SLC38A6: variants seen among roughly 807,000 people sequenced by gnomAD.
The protein encoded by SLC38A6 is N system amino acid transporter NAT-1.
SLC38A6 carries 73 observed loss-of-function variants against 65.0 expected under a neutral mutation model. The observed-to-expected ratio is 1.12, with a 90% CI of 0.93 to 1.37. The LOEUF is 1.37. Ranked by LOEUF, SLC38A6 falls within the 40% of genes most tolerant of loss-of-function variation. The pLI, the probability that SLC38A6 is intolerant of heterozygous loss-of-function variation, is 0.00. For synonymous variants in SLC38A6, 183 were observed against 178.8 expected, an observed-to-expected ratio of 1.02 and a Z score of -0.19; for missense variants, 561 against 531.1, an observed-to-expected ratio of 1.06 and a Z score of -0.55.
At chr14:61,048,853 A>G (rs2042326835) in intron 12 of SLC38A6, among the ~76,000 whole-genome samples, 1 of 152,166 alleles carries the variant, frequency 6.6e-6, no homozygotes, top group African/African-American at 2.4e-5. Flanking sequence ...GTTAAGCAAG[A>G]AGTGTTAATA....
intron 3 of SLC38A6, among the ~76,000 whole-genome samples, chr14:60,989,492 C>T (rs1447303636): frequency 6.6e-6 from 1 of 152,030 alleles, no homozygotes; most frequent in African/African-American, 2.4e-5. Context: ...GGGAGGCAGA[C>T]CCAGGAGGAT....
In SLC38A6 at chr14:61,052,153, C is replaced by T. The variant is rs755834983; in HGVS notation, c.1290+18C>T. ...AGCTTGGGGTAGGTTGTTTTTGTTT[C>T]TTTCTTTCAAGACTTCTATTTTAAG... On this transcript the variant is annotated intron_variant, in intron 15 of 15. Coordinates refer to ENST00000267488, the MANE Select transcript of SLC38A6 (RefSeq NM_153811.3). The T allele has an allele frequency of 6.6e-7, 1 of 1,522,232 alleles. No individual in the cohort carries two copies. Among genetic ancestry groups the T allele is most frequent in the Non-Finnish European group, 8.8e-7 (1 of 1,138,682 alleles). 94.3% of individuals were successfully genotyped at this position (1,522,232 alleles called of 1,614,324 possible).
intron 3 of SLC38A6, 150 bp downstream of exon 3, chr14:60,984,953 A>G: frequency 1.4e-6 from 1 of 731,852 alleles, no homozygotes; most frequent in Non-Finnish European, 2.3e-6. Flanking sequence ...AAAAACCAGG[A>G]TATACAGACC....
chr14:61,062,242 A>T (rs914678482), intron 15 of SLC38A6, among the ~76,000 whole-genome samples: 6 of 152,236 alleles, frequency 3.9e-5, no homozygotes, highest in Non-Finnish European at 8.8e-5. Flanking sequence ...AGAAATTGCC[A>T]AACTACCTTC....
intron 5 of SLC38A6, among the ~76,000 whole-genome samples, chr14:61,029,390 C>T (rs1053689832): frequency 1.3e-5 from 2 of 152,076 alleles, no homozygotes; most frequent in East Asian, 1.9e-4. Context: ...CTCCTGACCT[C>T]GTCAACCGCC....
chr14:61,053,691 T>C (rs1305502252), downstream of SLC38A6, among the ~76,000 whole-genome samples: 1 of 152,184 alleles, frequency 6.6e-6, no homozygotes, highest in East Asian at 1.9e-4. Flanking sequence ...ATGTCTTCTT[T>C]TGAGAAGTGT....
At chr14:61,003,600 C>G (rs1211499617) in intron 3 of SLC38A6, among the ~76,000 whole-genome samples, 1 of 152,112 alleles carries the variant, frequency 6.6e-6, no homozygotes, top group African/African-American at 2.4e-5. Context: ...AGAAATTGCC[C>G]AAATGACAGA....
intron 15 of SLC38A6, among the ~76,000 whole-genome samples, chr14:61,067,872 C>G (rs1172966423): frequency 6.6e-6 from 1 of 152,016 alleles, no homozygotes; most frequent in Non-Finnish European, 1.5e-5. Flanking sequence ...GTCACCATTC[C>G]CGCTTTTGTG....
chr14:61,068,913 G>A (rs984502884), intron 15 of SLC38A6, among the ~76,000 whole-genome samples: 1 of 152,186 alleles, frequency 6.6e-6, no homozygotes, highest in African/African-American at 2.4e-5. Context: ...CTGTCACAAT[G>A]TCAGTTCTTC....
At chr14:61,063,880 A>G (rs1482625115) in intron 15 of SLC38A6, among the ~76,000 whole-genome samples, 2 of 152,202 alleles carry the variant, frequency 1.3e-5, no homozygotes, top group Admixed American at 6.5e-5. Flanking sequence ...ATATTGATAG[A>G]ATTAAATGCT....
chr14:61,075,908 T>G (rs2043398579), intron 15 of SLC38A6, among the ~76,000 whole-genome samples: 1 of 151,392 alleles, frequency 6.6e-6, no homozygotes, highest in East Asian at 2.0e-4. Flanking sequence ...CAGACTGGAG[T>G]GCAATGCTGT....
At chr14:61,041,239 T>G (rs1271295492) in intron 8 of SLC38A6, among the ~76,000 whole-genome samples, 1 of 152,182 alleles carries the variant, frequency 6.6e-6, no homozygotes, top group Admixed American at 6.5e-5. Context: ...TCCTCTCTGT[T>G]GTTGGGTCTC....
At position 61,046,124 on chromosome 14, in the gene SLC38A6, C is replaced by T; in HGVS notation, c.882C>T (p.Leu294=). ...ATACAGCAATTGCTTTAAGTTTTCT[C>T]ATTTATTTTATATCTGCACTCTTTG... The part of the protein sequence containing the change: ...VTNTAIALSF[L]IYFISALFGY... The change falls in exon 12 of 16, where the codon CTC becomes CTT. Residue 294 remains leucine (L), a synonymous_variant. Coordinates refer to ENST00000267488, the MANE Select transcript of SLC38A6 (RefSeq NM_153811.3). 1 of 1,611,548 alleles carries T rather than the reference C, an allele frequency of 6.2e-7. No homozygotes were observed.
intron 3 of SLC38A6, among the ~76,000 whole-genome samples, chr14:60,994,572 C>T (rs746342987): frequency 1.7e-4 from 26 of 151,120 alleles, no homozygotes; most frequent in African/African-American, 5.8e-4. Flanking sequence ...GGCATGATGG[C>T]GGGCACCTGT....
rs183080703 is a variant in SLC38A6 at position 60,987,753 on chromosome 14, C to T, written c.310+2950C>T. Among the ~76,000 whole-genome samples the T allele has an allele frequency of 1.7e-4, 26 of 152,318 alleles. No homozygotes were observed. The East Asian group carries it at 4.8e-3, about 28-fold the overall frequency. ...CTCTGATACTAAACCCACAGCTCCC[C>T]TCCACTGGCTTCCATGTCACTGTCA... On this transcript the variant is annotated intron_variant, in intron 3 of 15. Coordinates refer to ENST00000267488, the MANE Select transcript of SLC38A6 (RefSeq NM_153811.3).
chr14:60,987,024 C>G, intron 3 of SLC38A6: 1 of 386,098 alleles, frequency 2.6e-6, no homozygotes. Context: ...TGTTTCTCTT[C>G]TTTTTTCTTT....
At chr14:61,015,019 G>C (rs547375405) in intron 3 of SLC38A6, among the ~76,000 whole-genome samples, 23 of 152,320 alleles carry the variant, frequency 1.5e-4, no homozygotes, top group African/African-American at 5.3e-4. Context: ...CTTGAGCTGT[G>C]GTGGGCTCCA....
chr14:61,043,797 A>G (rs1281141515), intron 10 of SLC38A6, among the ~76,000 whole-genome samples: 1 of 150,844 alleles, frequency 6.6e-6, no homozygotes, highest in Admixed American at 6.6e-5. Flanking sequence ...TGGTCTGGCC[A>G]ATAAGGTCCT....
At chr14:61,070,182 C>A (rs2043183785) in intron 15 of SLC38A6, among the ~76,000 whole-genome samples, 1 of 152,194 alleles carries the variant, frequency 6.6e-6, no homozygotes, top group African/African-American at 2.4e-5. Context: ...GACTAAAACT[C>A]TGTGCCTAAT....
Sources: gnomAD v4.1 joint callset for allele counts (sites outside exome capture counted in the v4.1 genomes callset) on GRCh38, gnomAD v4.1.1 for gene constraint, MANE v1.5 for transcripts, NCBI Gene and HGNC (gene_info 2026-07-23, HGNC 2026-07-21) for gene names.